TFEB: variants seen among roughly 807,000 people sequenced by gnomAD.
The protein encoded by TFEB is transcription factor EB, also known as T-cell transcription factor EB.
TFEB carries 12 observed loss-of-function variants against 48.0 expected under a neutral mutation model. The observed-to-expected ratio is 0.25, with a 90% CI of 0.16 to 0.40. The LOEUF is 0.40. Among genes scored for constraint, TFEB ranks in the 10% least tolerant of loss-of-function variants. The pLI is 1.00. For synonymous variants in TFEB, 244 were observed against 261.4 expected (o/e 0.93, Z 0.64); for missense variants, 509 against 640.3 (o/e 0.79, Z 2.21).
At chr6:41,704,012 G>A (rs1770074404) in intron 1 of TFEB, among the ~76,000 whole-genome samples, 1 of 152,156 alleles carries the variant, frequency 6.6e-6, no homozygotes, top group South Asian at 2.1e-4. Flanking sequence ...AGGCAGGTAG[G>A]GGGTCTTGAG....
At chr6:41,733,024 C>T (rs1016140149) in intron 1 of TFEB, 1 of 985,398 alleles carries the variant, frequency 1.0e-6, no homozygotes, top group Non-Finnish European at 1.2e-6. Context: ...CTGGGCTACT[C>T]CCTGTGGGGG....
intron 1 of TFEB, chr6:41,706,027 G>C (rs183518320): frequency 6.6e-6 from 1 of 151,994 alleles, no homozygotes; most frequent in Non-Finnish European, 1.5e-5. Context: ...CCGTCATCTC[G>C]CCAGGGCCGC....
intron 1 of TFEB, among the ~76,000 whole-genome samples, chr6:41,716,316 G>A (rs1176769976): frequency 1.3e-5 from 2 of 152,190 alleles, no homozygotes; most frequent in Non-Finnish European, 2.9e-5. Flanking sequence ...CTCCTTCAGC[G>A]GTAGCTGTCA....
chr6:41,700,610 C>T (rs1404147294), intron 1 of TFEB, among the ~76,000 whole-genome samples: 3 of 152,238 alleles, frequency 2.0e-5, no homozygotes, highest in African/African-American at 2.4e-5. Context: ...TCCCAGACCC[C>T]CTGCAGGAAT....
At chr6:41,714,545 T>C (rs528106386) in intron 1 of TFEB, among the ~76,000 whole-genome samples, 1 of 152,284 alleles carries the variant, frequency 6.6e-6, no homozygotes, top group South Asian at 2.1e-4. Context: ...GCGGCCTTGA[T>C]GGTATCATTC....
At chr6:41,695,695 T>G (rs1581889313) in intron 1 of TFEB, among the ~76,000 whole-genome samples, 1 of 150,508 alleles carries the variant, frequency 6.6e-6, no homozygotes. Flanking sequence ...GGGAGGGGAG[T>G]GGGAAGGGGC....
chr6:41,698,126 A>G (rs1444109434), intron 1 of TFEB, among the ~76,000 whole-genome samples: 1 of 152,238 alleles, frequency 6.6e-6, no homozygotes, highest in East Asian at 1.9e-4. Flanking sequence ...TGTAATTATC[A>G]TAATTATTTC....
At position 41,730,764 on chromosome 6, in the gene TFEB, G is replaced by A. The variant is rs73733010; in HGVS notation, c.-23+4586C>T. ...GTATCTCTGGTGCAGTGTGGAGGAG[G>A]GACAGATGATAGGAGAGCAGGGGAC... is the stretch of plus-strand genomic sequence containing the variant. On this transcript the variant is annotated intron_variant, in intron 1 of 8. Coordinates refer to ENST00000373033, the MANE Select transcript of TFEB (RefSeq NM_001271944.2). The surrounding 1 kb of genome is among the most constrained non-coding windows in gnomAD (Gnocchi z 4.1). Among the ~76,000 whole-genome samples, 1 of 152,198 alleles carries A rather than the reference G, an allele frequency of 6.6e-6. No individual in the cohort carries two copies. Among genetic ancestry groups the A allele is most frequent in the African/African-American group, 2.4e-5 (1 of 41,436 alleles).
intron 1 of TFEB, among the ~76,000 whole-genome samples, chr6:41,707,973 G>A (rs1361808195): frequency 6.6e-6 from 1 of 152,256 alleles, no homozygotes; most frequent in Non-Finnish European, 1.5e-5. Flanking sequence ...TGGGAGGGAA[G>A]TGGAAGACGG....
intron 1 of TFEB, among the ~76,000 whole-genome samples, chr6:41,717,575 T>A (rs1200589179): frequency 1.3e-5 from 2 of 152,090 alleles, no homozygotes; most frequent in Admixed American, 1.3e-4. Flanking sequence ...CTTATTGCCA[T>A]CTATTAGTCT....
At chr6:41,700,352 G>C (rs1769839994) in intron 1 of TFEB, among the ~76,000 whole-genome samples, 1 of 151,748 alleles carries the variant, frequency 6.6e-6, no homozygotes, top group African/African-American at 2.4e-5. Flanking sequence ...TGTAGTCCCA[G>C]CTACTCAAGA....
At position 41,723,445 on chromosome 6, in the gene TFEB, G is replaced by A. The variant is rs192672427; in HGVS notation, c.-23+11905C>T. The A allele has an allele frequency of 1.5e-3, 1,840 of 1,250,548 alleles. 3 individuals are homozygous for A. Among genetic ancestry groups the A allele is most frequent in the South Asian group, 2.3e-3 (188 of 80,588 alleles). The allele number at this position is 1,250,548 out of a possible 1,614,324, so 77.5% of individuals were successfully genotyped here. A position where few individuals can be genotyped will look rare whatever the true frequency, so the allele number is the denominator to read the frequency against. On this transcript the variant is annotated intron_variant, in intron 1 of 8. Coordinates refer to ENST00000373033, the MANE Select transcript of TFEB (RefSeq NM_001271944.2). The surrounding 1 kb of genome is among the most constrained non-coding windows in gnomAD (Gnocchi z 6.0). ...CATGCACACACTCACACACATGCAC[G>A]CGTGTGCTCTCATACCTTCGAGAGG...
chr6:41,728,969 A>G (rs765404222), intron 1 of TFEB, among the ~76,000 whole-genome samples: 30 of 152,082 alleles, frequency 2.0e-4, no homozygotes, highest in Non-Finnish European at 3.7e-4. Flanking sequence ...TTTATTGAGC[A>G]GCCACTATAT....
intron 1 of TFEB, among the ~76,000 whole-genome samples, chr6:41,731,372 G>T (rs976152173): frequency 6.6e-6 from 1 of 152,076 alleles, no homozygotes; most frequent in African/African-American, 2.4e-5. Flanking sequence ...AGTGGCTATG[G>T]CTGTCCCAAG....
intron 4 of TFEB, 48 bp downstream of exon 4, chr6:41,689,683 C>A: frequency 6.7e-7 from 1 of 1,493,410 alleles, no homozygotes. Flanking sequence ...AGTGGGTGCC[C>A]CCCTCCCTAG....
chr6:41,713,831 AGG>A (rs758301842), intron 1 of TFEB, among the ~76,000 whole-genome samples: 33 of 152,284 alleles, frequency 2.2e-4, no homozygotes, highest in Admixed American at 1.6e-3. Context: ...CGACACAGAT[AGG>A]CGTCCTGATG....
chr6:41,697,408 C>CAAAAAAAAAAAAAAAAAAAAA lies in TFEB; in HGVS notation c.-22-6174_-22-6173insTTTTTTTTTTTTTTTTTTTTT, dbSNP rs56059829. On this transcript the variant is annotated intron_variant, in intron 1 of 8. Transcript: ENST00000373033. ...GGGCAACAAGAGTGAAACTCCATCT[C>CAAAAAAAAAAAAAAAAAAAAA]AAAAAAAAAAAAAAAAAAAGAATGA... is the stretch of plus-strand genomic sequence containing the variant. 1.1e-3 allele frequency among the ~76,000 whole-genome samples: 70 copies of CAAAAAAAAAAAAAAAAAAAAA among 63,476 alleles called. 1 individual carries two copies. The highest frequency in any genetic ancestry group is 4.7e-3 in the African/African-American group (54 of 11,528). The allele number at this position is 63,476 out of a possible 152,430, so 41.6% of individuals were successfully genotyped here.
chr6:41,706,206 C>T (rs538610061), intron 1 of TFEB, among the ~76,000 whole-genome samples: 2 of 152,220 alleles, frequency 1.3e-5, no homozygotes, highest in African/African-American at 4.8e-5. Context: ...CCCCAACTGT[C>T]CCCTTGAGGA....
At position 41,689,828 on chromosome 6, in the gene TFEB, T is replaced by G. The variant is rs1294715283; in HGVS notation, c.469-17A>C. 1 of 1,610,476 alleles carries G rather than the reference T, an allele frequency of 6.2e-7. No homozygotes were observed. The highest frequency in any genetic ancestry group is 1.3e-5 in the African/African-American group (1 of 74,782). On this transcript the variant is annotated splice_polypyrimidine_tract_variant and intron_variant, in intron 3 of 8. Transcript: ENST00000373033. ...ATCATCCAACTGGAAAAGAGAAAAG[T>G]CCATCTGGGGAGGGCCCACCACGAG... is the stretch of plus-strand genomic sequence containing the variant.
Sources: gnomAD v4.1 joint callset for allele counts (sites outside exome capture counted in the v4.1 genomes callset) on GRCh38, gnomAD v4.1.1 for gene constraint, Gnocchi (gnomAD v3.1) non-coding constraint, MANE v1.5 for transcripts, NCBI Gene and HGNC (gene_info 2026-07-23, HGNC 2026-07-21) for gene names.